The following ARFGAP3 variants were observed in gnomAD, a reference collection of about 807,000 sequenced individuals.
The protein encoded by ARFGAP3 is ARF GTPase activating protein 3, also known as ADP-ribosylation factor GTPase-activating protein 3.
In ARFGAP3, 72 loss-of-function variants were observed where a neutral mutation model predicts 75.0. The observed-to-expected ratio is 0.96, with a 90% CI of 0.79 to 1.17. ARFGAP3 has a LOEUF of 1.17. ARFGAP3 is among the 50% of genes most tolerant of loss of function. The pLI is 0.00. For missense variants in ARFGAP3, 620 were observed against 626.6 expected (o/e 0.99, Z 0.11); for synonymous variants, 221 against 217.9 (o/e 1.01, Z -0.13).
rs945298112 is a variant in ARFGAP3, at chr22:42,830,741, AT to A, written c.565+807del. Among the ~76,000 whole-genome samples, 133 of 152,316 alleles carry A rather than the reference AT, an allele frequency of 8.7e-4. 1 individual carries two copies. The highest frequency in any genetic ancestry group is 8.6e-3 in the Admixed American group (131 of 15,288). ...AAATGTGAATCATTATGTATCAACT[AT>A]TTTTATAAGTTTTTAAATTGAAATT... On this transcript the variant is annotated intron_variant, in intron 6 of 15. Coordinates refer to ENST00000263245, the MANE Select transcript of ARFGAP3 (RefSeq NM_014570.5).
Position 42,826,964 on chromosome 22 carries a change from T to G in ARFGAP3, c.601A>C (p.Asn201His). The change falls in exon 7 of 16, where the codon AAT (asparagine) becomes CAT (histidine). Residue 201 changes from asparagine to histidine, a missense_variant. By Grantham distance (68) the Asn-to-His change is moderately conservative (BLOSUM62 1). Coordinates refer to ENST00000263245, the MANE Select transcript of ARFGAP3 (RefSeq NM_014570.5). The part of the protein sequence containing the change: ...QEQGPSVEGL[N>H]VPTKATLEVS... The stretch of plus-strand genomic sequence containing the variant: ...CCTAAAGTAGCCTTTGTTGGTACAT[T>G]AAGACCTTCCACACTTGGTCCTTGC... 6.2e-7 allele frequency: 1 copy of G among 1,613,794 alleles called. No homozygotes were observed. The highest frequency in any genetic ancestry group is 8.5e-7 in the Non-Finnish European group (1 of 1,179,926).
In ARFGAP3 at chr22:42,808,860, C is replaced by T. The variant is rs771780697; in HGVS notation, c.1227G>A (p.Glu409=). The change falls in exon 13 of 16, where the codon GAG becomes GAA. Residue 409 remains glutamate (E), a synonymous_variant. Coordinates refer to ENST00000263245, the MANE Select transcript of ARFGAP3 (RefSeq NM_014570.5). ...GGGCCTCATCTGTATTTTCAACTGGCTCATAATCTGGCTTGCGGCGAGCAG... is the reference window on the plus strand; with the variant it reads ...GGGCCTCATCTGTATTTTCAACTGGTTCATAATCTGGCTTGCGGCGAGCAG... ...RPTARRKPDY[E]PVENTDEAQK... is the part of the protein sequence containing the mutation. The T allele has an allele frequency of 1.2e-6, 2 of 1,612,962 alleles. No homozygotes were observed. Among genetic ancestry groups the T allele is most frequent in the South Asian group, 1.1e-5 (1 of 90,786 alleles).
chr22:42,836,345 C>A (rs1926521757), intron 3 of ARFGAP3, among the ~76,000 whole-genome samples: 1 of 152,084 alleles, frequency 6.6e-6, no homozygotes, highest in Admixed American at 6.6e-5. Context: ...ATGATCATGG[C>A]TCACTGCAGC....
chr22:42,823,667 C>T lies in ARFGAP3; in HGVS notation c.661G>A (p.Ala221Thr), dbSNP rs1364052702. The T allele has an allele frequency of 6.4e-7, 1 of 1,571,556 alleles. No individual in the cohort carries two copies. The highest frequency in any genetic ancestry group is 8.7e-7 in the Non-Finnish European group (1 of 1,155,522). Residue 221 changes from alanine to threonine, a missense_variant, in exon 8 of 16, where the codon GCT becomes ACT. Transcript: ENST00000263245. Reference sequence around the variant, plus strand: ...TACATAATACTCACGCCTTTTTTAGCTTGATTTGGTTTCTTTTTTATGATA... The same window carrying T: ...TACATAATACTCACGCCTTTTTTAGTTTGATTTGGTTTCTTTTTTATGATA... ...SSIIKKKPNQ[A>T]KKGLGAKKGS...
chr22:42,838,915 C>G (rs1169698335), intron 3 of ARFGAP3, among the ~76,000 whole-genome samples: 1 of 151,474 alleles, frequency 6.6e-6, no homozygotes, highest in Non-Finnish European at 1.5e-5. Flanking sequence ...TCGAGACCAT[C>G]CTAGCTAACA....
chr22:42,805,381 T>C (rs1449831310), intron 14 of ARFGAP3, among the ~76,000 whole-genome samples: 2 of 152,172 alleles, frequency 1.3e-5, no homozygotes, highest in Admixed American at 1.3e-4. Context: ...AAGGCATCCA[T>C]TGCAGGGAGT....
chr22:42,831,251 C>T (rs12158255), intron 6 of ARFGAP3, among the ~76,000 whole-genome samples: 3,851 of 146,150 alleles, frequency 0.026, 146 homozygotes, highest in Admixed American at 0.097. Flanking sequence ...CACACCATCG[C>T]ACTCCAGCCT....
chr22:42,808,807 A>C lies in ARFGAP3; in HGVS notation c.1280T>G (p.Ile427Ser). Residue 427 changes from isoleucine (I) to serine (S), a missense_variant, in exon 13 of 16, where the codon ATT becomes AGT. Ile to Ser is a moderately radical substitution (Grantham distance 142). Transcript: ENST00000263245. Reference sequence around the variant, plus strand: ...TCTTCCAAAATACATATCTGATGAAATGGCCTTGACATTGCCAAACTTCTT... The same window carrying C: ...TCTTCCAAAATACATATCTGATGAACTGGCCTTGACATTGCCAAACTTCTT... ...AQKKFGNVKA[I>S]SSDMYFGRQS... The C allele has an allele frequency of 1.2e-6, 2 of 1,613,718 alleles. No individual in the cohort carries two copies. The highest frequency in any genetic ancestry group is 1.7e-6 in the Non-Finnish European group (2 of 1,179,788).
intron 7 of ARFGAP3, among the ~76,000 whole-genome samples, chr22:42,825,075 T>A (rs1925979661): frequency 6.6e-6 from 1 of 152,184 alleles, no homozygotes; most frequent in South Asian, 2.1e-4. Context: ...CTGGACAACA[T>A]AGGGAGACTC....
intron 6 of ARFGAP3, among the ~76,000 whole-genome samples, chr22:42,828,428 T>C (rs894070013): frequency 6.6e-6 from 1 of 151,876 alleles, no homozygotes; most frequent in Non-Finnish European, 1.5e-5. Flanking sequence ...TGGTGGCACA[T>C]GCCTGTAATC....
rs369349360 is a variant in ARFGAP3 at position 42,801,185 on chromosome 22, A to G, written c.1412-2025T>C. Among the ~76,000 whole-genome samples, 123 of 152,224 alleles carry G rather than the reference A, an allele frequency of 8.1e-4. 3 individuals carry two copies. In the South Asian group the frequency reaches 0.024, roughly 30 times the overall value. On this transcript the variant is annotated intron_variant, in intron 14 of 15. Transcript: ENST00000263245. ...AGGGAACGGGCTGAGCGTCCTCAGG[A>G]GGCAGGTGTCAAGAGGCACACTGAC...
At chr22:42,811,726 A>G (rs576038631) in intron 11 of ARFGAP3, among the ~76,000 whole-genome samples, 1 of 152,300 alleles carries the variant, frequency 6.6e-6, no homozygotes, top group African/African-American at 2.4e-5. Flanking sequence ...TAATTAGCCA[A>G]TTGTCACTGA....
intron 1 of ARFGAP3, among the ~76,000 whole-genome samples, chr22:42,854,805 A>G (rs1422736335): frequency 1.3e-5 from 2 of 152,140 alleles, no homozygotes; most frequent in Non-Finnish European, 2.9e-5. Context: ...TTATGACCCC[A>G]ATTTTAAAAT....
Position 42,817,735 on chromosome 22 carries a change from C to T in ARFGAP3, c.935G>A (p.Cys312Tyr). The change falls in exon 10 of 16, where the codon TGC becomes TAC. Residue 312 changes from cysteine (C) to tyrosine (Y), a missense_variant. Physicochemically the swap from Cys to Tyr is radical, Grantham distance 194. Transcript: ENST00000263245. ...SDRLGMGFGNCRSVISHSVTS... is the reference protein window; with the variant it reads ...SDRLGMGFGNYRSVISHSVTS... ...AGAAAGCAGTCTCACATACCTTCTG[C>T]AATTTCCAAATCCCATGCCGAGTCT... 6.2e-7 allele frequency: 1 copy of T among 1,611,666 alleles called. No individual in the cohort carries two copies. Among genetic ancestry groups the T allele is most frequent in the Non-Finnish European group, 8.5e-7 (1 of 1,178,716 alleles).
intron 6 of ARFGAP3, chr22:42,827,240 A>G (rs930094524): frequency 1.2e-5 from 3 of 255,778 alleles, no homozygotes; most frequent in Non-Finnish European, 1.8e-5. Flanking sequence ...GGTCTCTTCA[A>G]CTAATACGAT....
chr22:42,842,302 G>A (rs1375271342), intron 2 of ARFGAP3, among the ~76,000 whole-genome samples: 2 of 118,676 alleles, frequency 1.7e-5, no homozygotes, highest in Non-Finnish European at 3.3e-5. Flanking sequence ...ACCGTGCCTG[G>A]CCTTTTTTTT....
Position 42,797,502 on chromosome 22 carries a change from A to G in ARFGAP3, c.*86T>C. 6.4e-7 allele frequency: 1 copy of G among 1,551,938 alleles called. No homozygotes were observed. The highest frequency in any genetic ancestry group is 8.9e-7 in the Non-Finnish European group (1 of 1,125,060). On this transcript the variant is annotated 3_prime_UTR_variant, in exon 16 of 16. Transcript: ENST00000263245. ...AAGTAGCAAAACAATCTGCAAAACT[A>G]TCTGGACTTCACTGCCGCCTGAGAT...
At chr22:42,806,083 A>C (rs17003339) in intron 14 of ARFGAP3, among the ~76,000 whole-genome samples, 5,607 of 152,310 alleles carry the variant, frequency 0.037, 155 homozygotes, top group African/African-American at 0.074. Context: ...GCCAAGTGAT[A>C]GCCTAGGTTG....
Position 42,857,241 on chromosome 22 carries a change from C to A in ARFGAP3, c.-59G>T. 1 of 1,486,490 alleles carries A rather than the reference C, an allele frequency of 6.7e-7. No homozygotes were observed. The highest frequency in any genetic ancestry group is 9.0e-7 in the Non-Finnish European group (1 of 1,113,498). The allele number at this position is 1,486,490 out of a possible 1,614,324, so 92.1% of individuals were successfully genotyped here. On this transcript the variant is annotated 5_prime_UTR_variant, in exon 1 of 16. Transcript: ENST00000263245. The stretch of plus-strand genomic sequence containing the variant: ...CCAACCGGTAAGAGTCGACGAAAAG[C>A]GGCTACCGCCTCAGCAGGAGCGACG...
Sources: allele counts gnomAD v4.1 joint callset (sites outside exome capture counted in the v4.1 genomes callset), GRCh38; gene constraint gnomAD v4.1.1; transcripts MANE v1.5; gene names NCBI Gene and HGNC (gene_info 2026-07-23, HGNC 2026-07-21).